Variants in CCDC85A observed in about 807,000 individuals in gnomAD.
CCDC85A encodes coiled-coil domain-containing protein 85A.
CCDC85A carries 38 observed loss-of-function variants against 50.2 expected under a neutral mutation model. That is an observed-to-expected ratio of 0.76 (90% CI 0.58 to 0.99). The LOEUF (loss-of-function observed/expected upper bound fraction) is 0.99. CCDC85A is among the 50% of genes least tolerant of loss of function. The probability of loss-of-function intolerance (pLI) is 0.00; values close to 1 mark genes in which losing one functional copy is unlikely to be tolerated. For synonymous variants in CCDC85A, 366 were observed against 301.4 expected (o/e 1.21, Z -2.22); for missense variants, 820 against 742.0 (o/e 1.11, Z -1.22).
intron 3 of CCDC85A, among the ~76,000 whole-genome samples, chr2:56,361,018 C>A (rs1675494210): frequency 1.3e-5 from 2 of 152,296 alleles, no homozygotes; most frequent in South Asian, 2.1e-4. Flanking sequence ...CTTTGGGAAG[C>A]CAAGGCGGGC....
intron 2 of CCDC85A, among the ~76,000 whole-genome samples, chr2:56,291,310 C>T (rs562430055): frequency 4.7e-4 from 72 of 152,258 alleles, no homozygotes; most frequent in African/African-American, 1.7e-3. Context: ...ATGGAGACCT[C>T]CATTAGGAGA....
At chr2:56,231,069 A>T (rs182803661) in intron 2 of CCDC85A, among the ~76,000 whole-genome samples, 196 of 152,318 alleles carry the variant, frequency 1.3e-3, no homozygotes, top group Non-Finnish European at 2.3e-3. Context: ...AGCAAGCTGG[A>T]AGCATAAAAA....
chr2:56,315,705 A>G (rs1389195872), intron 2 of CCDC85A, among the ~76,000 whole-genome samples: 1 of 152,144 alleles, frequency 6.6e-6, no homozygotes, highest in Non-Finnish European at 1.5e-5. Flanking sequence ...ATAGAAGGCT[A>G]TAAGGGCCAG....
intron 2 of CCDC85A, among the ~76,000 whole-genome samples, chr2:56,262,939 A>G (rs1443077699): frequency 6.6e-6 from 1 of 152,164 alleles, no homozygotes; most frequent in Non-Finnish European, 1.5e-5. Flanking sequence ...CTTCAATTCC[A>G]TTGCTTCAAA....
chr2:56,213,709 T>C (rs1418366434), intron 2 of CCDC85A, among the ~76,000 whole-genome samples: 1 of 151,974 alleles, frequency 6.6e-6, no homozygotes, highest in Non-Finnish European at 1.5e-5. Context: ...TAATGAACTT[T>C]TAATGACTGG....
At chr2:56,233,960 T>G (rs751433581) in intron 2 of CCDC85A, among the ~76,000 whole-genome samples, 1 of 152,210 alleles carries the variant, frequency 6.6e-6, no homozygotes, top group Non-Finnish European at 1.5e-5. Context: ...AAATTGGAAA[T>G]GCAAGGGCTG....
intron 2 of CCDC85A, among the ~76,000 whole-genome samples, chr2:56,265,675 A>G (rs2104037882): frequency 6.6e-6 from 1 of 152,334 alleles, no homozygotes; most frequent in African/African-American, 2.4e-5. Context: ...GAGAAAAGAA[A>G]GCCTTGCACA....
chr2:56,329,706 C>A (rs1036089525), intron 2 of CCDC85A, among the ~76,000 whole-genome samples: 1 of 151,944 alleles, frequency 6.6e-6, no homozygotes, highest in African/African-American at 2.4e-5. Context: ...TATATGCTGG[C>A]TAAATTCAAT....
chr2:56,237,436 A>T (rs561950398), intron 2 of CCDC85A, among the ~76,000 whole-genome samples: 1 of 152,242 alleles, frequency 6.6e-6, no homozygotes, highest in African/African-American at 2.4e-5. Context: ...CAGAAGATTT[A>T]TACATGAATA....
At chr2:56,318,187 CTTAT>C (rs1297960574) in intron 2 of CCDC85A, among the ~76,000 whole-genome samples, 1 of 152,050 alleles carries the variant, frequency 6.6e-6, no homozygotes, top group Non-Finnish European at 1.5e-5. Flanking sequence ...ATTCTTCTTT[CTTAT>C]TGTGTTCTCT....
chr2:56,371,930 T>C (rs1217731162), intron 3 of CCDC85A, among the ~76,000 whole-genome samples: 1 of 152,164 alleles, frequency 6.6e-6, no homozygotes, highest in Non-Finnish European at 1.5e-5. Flanking sequence ...CAAAAGGGCA[T>C]AGTGCTCCCA....
intron 2 of CCDC85A, among the ~76,000 whole-genome samples, chr2:56,197,519 T>C (rs779103875): frequency 6.6e-6 from 1 of 152,148 alleles, no homozygotes; most frequent in Non-Finnish European, 1.5e-5. Context: ...GAGATGCAAA[T>C]TGAATTGATC....
At chr2:56,354,536 A>T (rs17047821) in intron 3 of CCDC85A, among the ~76,000 whole-genome samples, 20,706 of 152,192 alleles carry the variant, frequency 0.14, 1,530 homozygotes, top group East Asian at 0.27. Flanking sequence ...CTTTCTTTAG[A>T]TTTTCTGGTT....
In CCDC85A at chr2:56,261,897, A is replaced by T. The variant is rs79782465; in HGVS notation, c.1240+68457A>T. ...TTAGCTCTCAACTGCCCAGAGGCCCAGCCTAAGCCAGGTTCTGGCCCCTCT... is the reference window on the plus strand; with the variant it reads ...TTAGCTCTCAACTGCCCAGAGGCCCTGCCTAAGCCAGGTTCTGGCCCCTCT... On this transcript the variant is annotated intron_variant, in intron 2 of 5. Coordinates refer to ENST00000407595, the MANE Select transcript of CCDC85A (RefSeq NM_001080433.2). Among the ~76,000 whole-genome samples, 752 of 152,254 alleles carry T rather than the reference A, an allele frequency of 4.9e-3. 5 individuals are homozygous for T. Among genetic ancestry groups the T allele is most frequent in the African/African-American group, 0.012 (518 of 41,534 alleles).
chr2:56,310,246 G>A (rs946916785), intron 2 of CCDC85A, among the ~76,000 whole-genome samples: 1 of 152,050 alleles, frequency 6.6e-6, no homozygotes, highest in Non-Finnish European at 1.5e-5. Flanking sequence ...GTGGATGCTG[G>A]CTTATTTTGA....
chr2:56,274,052 G>A (rs1670815997), intron 2 of CCDC85A, among the ~76,000 whole-genome samples: 1 of 152,070 alleles, frequency 6.6e-6, no homozygotes, highest in African/African-American at 2.4e-5. Context: ...GATGGGAGAG[G>A]TACTAAATCA....
At chr2:56,232,918 T>TG (rs1271818094) in intron 2 of CCDC85A, among the ~76,000 whole-genome samples, 4 of 152,166 alleles carry the variant, frequency 2.6e-5, no homozygotes, top group African/African-American at 9.7e-5. Flanking sequence ...TAAAACTTAA[T>TG]GGGGTGACAT....
chr2:56,216,995 AG>A (rs1373756493), intron 2 of CCDC85A, among the ~76,000 whole-genome samples: 2 of 151,910 alleles, frequency 1.3e-5, no homozygotes, highest in African/African-American at 4.8e-5. Flanking sequence ...CTTAGCATTT[AG>A]CCTTTAACAG....
intron 2 of CCDC85A, among the ~76,000 whole-genome samples, chr2:56,237,741 ATTT>A (rs5831405): frequency 0.25 from 37,001 of 149,110 alleles, 5,266 homozygotes; most frequent in African/African-American, 0.38. Flanking sequence ...CTAACCATTA[ATTT>A]TTTTTTTTTT....
Sources: gnomAD v4.1 joint callset for allele counts (sites outside exome capture counted in the v4.1 genomes callset) on GRCh38, gnomAD v4.1.1 for gene constraint, MANE v1.5 for transcripts, NCBI Gene and HGNC (gene_info 2026-07-23, HGNC 2026-07-21) for gene names.